DNAH6: variants seen among roughly 807,000 people sequenced by gnomAD.
DNAH6 encodes axonemal beta dynein heavy chain 6.
Under a neutral mutation model 491.4 loss-of-function variants are expected in DNAH6, and 340 were observed. The observed-to-expected ratio is 0.69, with a 90% CI of 0.63 to 0.76. DNAH6 has a LOEUF of 0.76. Among genes scored for constraint, DNAH6 ranks in the 30% least tolerant of loss-of-function variants. DNAH6 has a pLI of 0.00. For synonymous variants in DNAH6, 1,603 were observed against 1,686.1 expected (o/e 0.95, Z 1.21); for missense variants, 4,443 against 4,972.2 (o/e 0.89, Z 3.20).
intron 12 of DNAH6, 85 bp from the exon 13 acceptor site, chr2:84,577,172 T>G: frequency 1.3e-6 from 1 of 790,310 alleles, no homozygotes; most frequent in Non-Finnish European, 1.8e-6. Flanking sequence ...AATTTATCAA[T>G]GCAATGATTT....
chr2:84,812,251 G>A (rs951105629), intron 72 of DNAH6, 90 bp from the exon 73 acceptor site: 1 of 1,244,626 alleles, frequency 8.0e-7, no homozygotes, highest in Non-Finnish European at 1.1e-6. Context: ...GCGCCTCCAG[G>A]CAAGGCAGCC....
At chr2:84,603,876 C>G (rs139418036) in intron 18 of DNAH6, among the ~76,000 whole-genome samples, 2 of 152,282 alleles carry the variant, frequency 1.3e-5, no homozygotes, top group South Asian at 2.1e-4. Context: ...GTTTCCCTCC[C>G]CAAGCCAGCA....
Position 84,640,436 on chromosome 2 carries a change from C to A in DNAH6, c.4828C>A (p.Leu1610Ile). The stretch of plus-strand genomic sequence containing the variant: ...ATTATTTTTTCTATTCTAGGTAATT[C>A]TATATTCTGAAGGATTTGAATCCAG... The part of the protein sequence containing the change: ...PNYALIAEVI[L>I]YSEGFESSKI... The change falls in exon 32 of 77, where the codon CTA becomes ATA. Residue 1610 changes from leucine (L) to isoleucine (I), a missense_variant. By Grantham distance (5) the Leu-to-Ile change is conservative (BLOSUM62 2). Coordinates refer to ENST00000389394, the MANE Select transcript of DNAH6 (RefSeq NM_001370.2). 6.7e-7 allele frequency: 1 copy of A among 1,489,332 alleles called. No individual in the cohort carries two copies. Among genetic ancestry groups the A allele is most frequent in the East Asian group, 2.5e-5 (1 of 40,614 alleles). 92.3% of individuals were successfully genotyped at this position (1,489,332 alleles called of 1,614,324 possible).
At chr2:84,617,980 C>T (rs1441684115) in intron 23 of DNAH6, among the ~76,000 whole-genome samples, 1 of 152,106 alleles carries the variant, frequency 6.6e-6, no homozygotes, top group Non-Finnish European at 1.5e-5. Flanking sequence ...CCTATCTCCC[C>T]ATGAGTCAGC....
chr2:84,535,502 A>C (rs915821851), intron 4 of DNAH6, among the ~76,000 whole-genome samples: 1 of 151,982 alleles, frequency 6.6e-6, no homozygotes, highest in Non-Finnish European at 1.5e-5. Context: ...AGCTTTTAAA[A>C]GCATTACAAG....
intron 18 of DNAH6, 112 bp downstream of exon 18, chr2:84,595,901 CAG>C (rs1389740849): frequency 8.7e-7 from 1 of 1,148,098 alleles, no homozygotes; most frequent in Admixed American, 3.4e-5. Flanking sequence ...GCTTTGCAGA[CAG>C]AAAAAACAAT....
intron 2 of DNAH6, among the ~76,000 whole-genome samples, chr2:84,520,767 A>G (rs1676056557): frequency 6.6e-6 from 1 of 152,058 alleles, no homozygotes; most frequent in South Asian, 2.1e-4. Flanking sequence ...GCTGTGTAGT[A>G]TTTCATGGTG....
chr2:84,755,727 A>G (rs1673944533), intron 63 of DNAH6, among the ~76,000 whole-genome samples: 1 of 152,222 alleles, frequency 6.6e-6, no homozygotes, highest in Non-Finnish European at 1.5e-5. Context: ...TCCTGATCTT[A>G]GAAGAAAAGC....
chr2:84,585,509 G>C (rs977627470), intron 15 of DNAH6, among the ~76,000 whole-genome samples: 2 of 152,126 alleles, frequency 1.3e-5, no homozygotes, highest in Non-Finnish European at 2.9e-5. Flanking sequence ...TCATCCCATT[G>C]AGTGTTCAGC....
At chr2:84,748,329 T>C (rs778349421) in intron 63 of DNAH6, among the ~76,000 whole-genome samples, 5 of 152,204 alleles carry the variant, frequency 3.3e-5, no homozygotes, top group African/African-American at 4.8e-5. Context: ...CCATATCTGA[T>C]TGTAGGCTGT....
intron 40 of DNAH6, among the ~76,000 whole-genome samples, chr2:84,673,335 A>C (rs1208359865): frequency 2.0e-5 from 3 of 152,178 alleles, no homozygotes; most frequent in Non-Finnish European, 2.9e-5. Flanking sequence ...TGTTATGGAA[A>C]GATCCCCTTG....
chr2:84,462,136 G>A, the DNAH6 span, among the ~76,000 whole-genome samples: 1 of 152,178 alleles, frequency 6.6e-6, no homozygotes, highest in Non-Finnish European at 1.5e-5. Flanking sequence ...GGAAATTCCT[G>A]GTGGATAAAG....
intron 28 of DNAH6, 37 bp downstream of exon 28, chr2:84,624,657 G>C (rs1291536733): frequency 1.3e-6 from 2 of 1,532,880 alleles, no homozygotes; most frequent in African/African-American, 2.8e-5. Context: ...ATTGACACAA[G>C]AGTGCTTTTC....
intron 35 of DNAH6, among the ~76,000 whole-genome samples, chr2:84,655,297 T>C (rs1159714292): frequency 5.9e-5 from 9 of 152,138 alleles, no homozygotes; most frequent in African/African-American, 2.2e-4. Flanking sequence ...CATTCTAACC[T>C]CAGAGGTACA....
At chr2:84,686,593 A>G (rs150176231) in intron 44 of DNAH6, 36 bp downstream of exon 44, 1 of 1,147,418 alleles carries the variant, frequency 8.7e-7, no homozygotes, top group Non-Finnish European at 1.2e-6. Flanking sequence ...TCATTTGAAA[A>G]TTGTAAAGCA....
At chr2:84,808,131 A>ATATG (rs369348036) in intron 71 of DNAH6, among the ~76,000 whole-genome samples, 4,483 of 141,190 alleles carry the variant, frequency 0.032, 71 homozygotes, top group African/African-American at 0.043. Flanking sequence ...GTGTATATAT[A>ATATG]TGTGTGTGTG....
At chr2:84,607,862 A>G (rs967987609) in intron 21 of DNAH6, among the ~76,000 whole-genome samples, 1 of 152,138 alleles carries the variant, frequency 6.6e-6, no homozygotes, top group East Asian at 1.9e-4. Flanking sequence ...TGCCACATTC[A>G]TCGACTCTTC....
In DNAH6 at chr2:84,577,371, G is replaced by A. The variant is rs1415090594; in HGVS notation, c.2039G>A (p.Arg680Lys). 28 of 1,609,652 alleles carry A rather than the reference G, an allele frequency of 1.7e-5. No homozygotes were observed. The highest frequency in any genetic ancestry group is 2.7e-5 in the African/African-American group (2 of 74,740). Residue 680 changes from arginine to lysine, a missense_variant, in exon 13 of 77, where the codon AGA becomes AAA. Physicochemically the swap from Arg to Lys is conservative, Grantham distance 26. This residue lies in a region of DNAH6 where 2,977 missense variants were observed against 3,296.6 expected (regional missense o/e 0.90). Transcript: ENST00000389394. ...CTGCTCATTGATACTAGGCTTCTAA[G>A]AGAAAAATTAATTCCATCACCTTTG... is the stretch of plus-strand genomic sequence containing the variant. ...GLLLIDTRLL[R>K]EKLIPSPLRC...
chr2:84,688,390 T>C (rs1694497234), intron 44 of DNAH6, 49 bp from the exon 45 acceptor site: 4 of 1,410,238 alleles, frequency 2.8e-6, no homozygotes, highest in Non-Finnish European at 3.7e-6. Context: ...TTCCAGGTTA[T>C]GTGTCTATCA....
Sources: allele counts gnomAD v4.1 joint callset (sites outside exome capture counted in the v4.1 genomes callset), GRCh38; gene constraint gnomAD v4.1.1; regional missense constraint gnomAD v4.1.1; transcripts MANE v1.5; gene names NCBI Gene and HGNC (gene_info 2026-07-23, HGNC 2026-07-21).